The following CDH23 variants were observed in gnomAD, a reference collection of about 807,000 sequenced individuals.
CDH23 encodes the protein cadherin related 23, also known as cadherin-23.
In CDH23, 189 loss-of-function variants were observed where a neutral mutation model predicts 317.1. That is an observed-to-expected ratio of 0.60 (90% CI 0.53 to 0.67). CDH23 has a LOEUF of 0.67. Ranked by LOEUF, CDH23 falls within the 30% of genes least tolerant of loss-of-function variation. The pLI, the probability that CDH23 is intolerant of heterozygous loss-of-function variation, is 0.00. For missense variants in CDH23, 4,401 were observed against 4,592.4 expected (o/e 0.96, Z 1.20); for synonymous variants, 1,839 against 1,876.8 (o/e 0.98, Z 0.52).
chr10:71,703,932 C>A (rs144881229), intron 24 of CDH23, among the ~76,000 whole-genome samples: 177 of 152,326 alleles, frequency 1.2e-3, no homozygotes, highest in Middle Eastern at 3.4e-3. Flanking sequence ...GAGCGGGGAG[C>A]GTTTAACTTG....
At position 71,725,471 on chromosome 10, in the gene CDH23, T is replaced by C; in HGVS notation, c.3530T>C (p.Ile1177Thr). The C allele has an allele frequency of 6.2e-7, 1 of 1,613,954 alleles. No individual in the cohort carries two copies. The highest frequency in any genetic ancestry group is 8.5e-7 in the Non-Finnish European group (1 of 1,179,868). The change falls in exon 30 of 70, where the codon ATA becomes ACA. Residue 1177 changes from isoleucine (I) to threonine (T), a missense_variant. Physicochemically the swap from Ile to Thr is moderately conservative, Grantham distance 89. Coordinates refer to ENST00000224721, the MANE Select transcript of CDH23 (RefSeq NM_022124.6). ...DRERNSSHVL[I>T]VEAYNHDLGP... is the part of the protein sequence containing the mutation. ...GAGCGGAACTCATCCCACGTGCTGA[T>C]AGTGGAGGCCTACAACCACGACCTG...
intron 14 of CDH23, among the ~76,000 whole-genome samples, chr10:71,651,623 A>T (rs139003805): frequency 7.3e-5 from 11 of 151,240 alleles, no homozygotes; most frequent in Non-Finnish European, 1.2e-4. Flanking sequence ...TACAGTGAGG[A>T]CGTGTGTGAT....
intron 28 of CDH23, among the ~76,000 whole-genome samples, chr10:71,720,412 C>T (rs1265850288): frequency 3.5e-5 from 5 of 143,448 alleles, no homozygotes; most frequent in Admixed American, 2.8e-4. Context: ...ACTGGAGGCT[C>T]TTTCCAAAAC....
intron 11 of CDH23, among the ~76,000 whole-genome samples, chr10:71,641,415 G>A (rs971381663): frequency 6.6e-5 from 10 of 152,280 alleles, no homozygotes; most frequent in East Asian, 3.9e-4. Context: ...GCTCCGTCTC[G>A]CTCATGGAAA....
Position 71,810,088 on chromosome 10 carries a change from G to A in CDH23, c.8979+12G>A, listed in dbSNP as rs768884506. On this transcript the variant is annotated intron_variant, in intron 61 of 69. Transcript: ENST00000224721. ...CTGACAATGTGCAGGTGCCTCATGG[G>A]CCCACCCGGGGCCGGGGCAGTGGAG... The A allele has an allele frequency of 3.7e-6, 6 of 1,609,274 alleles. No homozygotes were observed. The highest frequency in any genetic ancestry group is 5.1e-6 in the Non-Finnish European group (6 of 1,177,262).
At chr10:71,750,878 C>T (rs1426599686) in intron 38 of CDH23, 1 of 191,924 alleles carries the variant, frequency 5.2e-6, no homozygotes, top group African/African-American at 2.3e-5. Context: ...GAGGGTGGCC[C>T]AGTGTCCATC....
rs1166662225 is a variant in CDH23, at chr10:71,716,036, T to G, written c.3369+3223T>G. 4 of 1,507,990 alleles carry G rather than the reference T, an allele frequency of 2.7e-6. No individual in the cohort carries two copies. The African/African-American group carries it at 5.6e-5, about 21-fold the overall frequency. 93.4% of individuals were successfully genotyped at this position (1,507,990 alleles called of 1,614,324 possible). ...GGTGGGCCGGCCATGGCGGAAGCTG[T>G]GCAGGGAGAGGCGCAAGGAGCCCAG... On this transcript the variant is annotated intron_variant, in intron 28 of 69. Transcript: ENST00000224721.
intron 55 of CDH23, 25 bp downstream of exon 55, chr10:71,803,445 G>T (rs752100855): frequency 6.5e-7 from 1 of 1,549,718 alleles, no homozygotes; most frequent in South Asian, 1.2e-5. Context: ...AGGGCCTCCT[G>T]CCCACCAGTA....
chr10:71,668,644 A>G lies in CDH23; in HGVS notation c.1450-6468A>G, dbSNP rs1864011846. On this transcript the variant is annotated intron_variant, in intron 14 of 69. Transcript: ENST00000224721. ...AGACTGAATGAAATAAAGTGCAGGA[A>G]ATGCTTGGTAAATTTGGTGGCACAT... Among the ~76,000 whole-genome samples the G allele has an allele frequency of 1.3e-5, 2 of 152,174 alleles. 1 individual carries two copies. The highest frequency in any genetic ancestry group is 2.9e-5 in the Non-Finnish European group (2 of 68,020).
At chr10:71,570,688 T>C in intron 7 of CDH23, 102 bp from the exon 8 acceptor site, 2 of 1,378,256 alleles carry the variant, frequency 1.5e-6, no homozygotes, top group Non-Finnish European at 2.0e-6. Flanking sequence ...GTGTTTGCAC[T>C]TATGTGCTGC....
chr10:71,706,128 G>A (rs1398513232), intron 25 of CDH23, among the ~76,000 whole-genome samples: 3 of 152,140 alleles, frequency 2.0e-5, no homozygotes, highest in Non-Finnish European at 4.4e-5. Context: ...AACATCAAAT[G>A]GGCCCAGGAT....
intron 3 of CDH23, among the ~76,000 whole-genome samples, chr10:71,447,904 C>A (rs926334175): frequency 6.6e-6 from 1 of 152,208 alleles, no homozygotes; most frequent in Non-Finnish European, 1.5e-5. Flanking sequence ...GCCAACATAG[C>A]AGCACACAGT....
intron 6 of CDH23, among the ~76,000 whole-genome samples, chr10:71,563,812 G>C (rs534065783): frequency 6.7e-6 from 1 of 149,052 alleles, no homozygotes; most frequent in African/African-American, 2.5e-5. Context: ...GCAGTGGCAT[G>C]ATCTTGGCTC....
At chr10:71,644,210 G>A (rs1034988186) in intron 12 of CDH23, among the ~76,000 whole-genome samples, 6 of 152,254 alleles carry the variant, frequency 3.9e-5, no homozygotes, top group Non-Finnish European at 8.8e-5. Context: ...ACTTTGGGCT[G>A]GGGCTCTGGA....
At position 71,811,331 on chromosome 10, in the gene CDH23, G is replaced by T. The variant is rs368603948; in HGVS notation, c.9094G>T (p.Asp3032Tyr). The T allele has an allele frequency of 6.2e-7, 1 of 1,613,832 alleles. No individual in the cohort carries two copies. The highest frequency in any genetic ancestry group is 1.7e-5 in the Admixed American group (1 of 60,012). The change falls in exon 63 of 70, where the codon GAT (aspartate) becomes TAT (tyrosine). Residue 3032 changes from aspartate (D) to tyrosine (Y), a missense_variant. Physicochemically the swap from Asp to Tyr is radical, Grantham distance 160. This residue lies in a region of CDH23 where 1,144 missense variants were observed against 1,138.2 expected (regional missense o/e 1.01). Transcript: ENST00000224721. ...CTCGCCCAGGGTGATCCAGATGATCGATGAGAACAAGGAGCAGCTACGGAA... is the reference window on the plus strand; with the variant it reads ...CTCGCCCAGGGTGATCCAGATGATCTATGAGAACAAGGAGCAGCTACGGAA... ...LDVDRVIQMI[D>Y]ENKEQLRNLF...
intron 14 of CDH23, 123 bp from the exon 15 acceptor site, chr10:71,674,989 G>T: frequency 1.2e-6 from 1 of 827,214 alleles, no homozygotes; most frequent in Non-Finnish European, 2.0e-6. Context: ...GCCTCACTGG[G>T]GTCTGGGCCT....
chr10:71,638,048 T>A (rs1444065154), intron 11 of CDH23, among the ~76,000 whole-genome samples: 2 of 152,156 alleles, frequency 1.3e-5, no homozygotes, highest in Admixed American at 1.3e-4. Flanking sequence ...CATAGGGAAT[T>A]TCCTGGCTTA....
At position 71,491,951 on chromosome 10, in the gene CDH23, T is replaced by A. The variant is rs377173251; in HGVS notation, c.146-18131T>A. On this transcript the variant is annotated intron_variant, in intron 3 of 69. Coordinates refer to ENST00000224721, the MANE Select transcript of CDH23 (RefSeq NM_022124.6). ...TCCTGGTGCCAGCAACCCAGGGAGG[T>A]CACGTCCAGGGCTTATTGCCCTACT... Among the ~76,000 whole-genome samples, 29 of 151,730 alleles carry A rather than the reference T, an allele frequency of 1.9e-4. 1 individual carries two copies. In the South Asian group the frequency reaches 5.7e-3, roughly 30 times the overall value.
At chr10:71,411,723 T>C (rs969146420) in intron 1 of CDH23, among the ~76,000 whole-genome samples, 1 of 152,246 alleles carries the variant, frequency 6.6e-6, no homozygotes, top group African/African-American at 2.4e-5. Flanking sequence ...TTAAGTGTGA[T>C]GTTTGCTGTA....
Sources: allele counts gnomAD v4.1 joint callset (sites outside exome capture counted in the v4.1 genomes callset), GRCh38; gene constraint gnomAD v4.1.1; regional missense constraint gnomAD v4.1.1; transcripts MANE v1.5; gene names NCBI Gene and HGNC (gene_info 2026-07-23, HGNC 2026-07-21).